Variants in DNTT observed in about 807,000 individuals in gnomAD.
DNTT encodes the protein DNA nucleotidylexotransferase, also known as nucleosidetriphosphate:DNA deoxynucleotidylexotransferase.
Under a neutral mutation model 60.9 loss-of-function variants are expected in DNTT, and 47 were observed. The ratio of observed to expected loss-of-function variants is 0.77; its 90% CI spans 0.61 to 0.98. The LOEUF (loss-of-function observed/expected upper bound fraction) is 0.98. Ranked by LOEUF, DNTT falls within the 50% of genes least tolerant of loss-of-function variation. DNTT has a pLI of 0.00. For missense variants in DNTT, 665 were observed against 627.5 expected, an observed-to-expected ratio of 1.06 and a Z score of -0.64; for synonymous variants, 224 against 221.2, an observed-to-expected ratio of 1.01 and a Z score of -0.11.
intron 6 of DNTT, among the ~76,000 whole-genome samples, chr10:96,324,917 G>A (rs1844922501): frequency 1.3e-5 from 2 of 152,266 alleles, no homozygotes; most frequent in South Asian, 4.1e-4. Flanking sequence ...AAAACACCAG[G>A]AAAATAGAAG....
At chr10:96,313,379 T>C (rs1385556118) in intron 1 of DNTT, among the ~76,000 whole-genome samples, 1 of 152,154 alleles carries the variant, frequency 6.6e-6, no homozygotes, top group Non-Finnish European at 1.5e-5. Context: ...ATGACATTCA[T>C]GTATATTTTC....
chr10:96,312,155 A>G (rs1844727546), intron 1 of DNTT, among the ~76,000 whole-genome samples: 1 of 152,218 alleles, frequency 6.6e-6, no homozygotes, highest in Non-Finnish European at 1.5e-5. Context: ...TGGAAAACAC[A>G]GCTGTCATTG....
At chr10:96,324,126 T>C in intron 5 of DNTT, 140 bp from the exon 6 acceptor site, 1 of 1,153,944 alleles carries the variant, frequency 8.7e-7, no homozygotes, top group Non-Finnish European at 1.2e-6. Context: ...ATCACCCACC[T>C]GCTCGTTATA....
chr10:96,327,648 G>C (rs772136755), intron 7 of DNTT, 48 bp downstream of exon 7: 7 of 1,577,420 alleles, frequency 4.4e-6, no homozygotes, highest in Non-Finnish European at 6.0e-6. Flanking sequence ...TACTTCAGTG[G>C]CTCCCTGACT....
At chr10:96,325,922 C>T (rs963735325) in intron 6 of DNTT, among the ~76,000 whole-genome samples, 8 of 152,196 alleles carry the variant, frequency 5.3e-5, no homozygotes, top group Non-Finnish European at 1.0e-4. Flanking sequence ...GTGCACATGC[C>T]ACGTTTGCCT....
At chr10:96,314,295 G>A (rs755062261) in intron 1 of DNTT, among the ~76,000 whole-genome samples, 2 of 151,390 alleles carry the variant, frequency 1.3e-5, no homozygotes, top group African/African-American at 2.4e-5. Flanking sequence ...GTCATGGATG[G>A]CCAAGCACAT....
In DNTT at chr10:96,326,450, A is replaced by G. The variant is rs532687674; in HGVS notation, c.875-1018A>G. On this transcript the variant is annotated intron_variant, in intron 6 of 10. Coordinates refer to ENST00000371174, the MANE Select transcript of DNTT (RefSeq NM_004088.4). ...ACCATTTTCTCTTGGTCTTGCCAGC[A>G]TGTTTCCGTGACTGTCCCCATTAGA... is the stretch of plus-strand genomic sequence containing the variant. 1.7e-4 allele frequency among the ~76,000 whole-genome samples: 26 copies of G among 152,296 alleles called. 1 individual carries two copies. The highest frequency in any genetic ancestry group is 6.3e-4 in the African/African-American group (26 of 41,564).
intron 4 of DNTT, 141 bp downstream of exon 4, chr10:96,320,929 C>G (rs1424192195): frequency 4.6e-6 from 4 of 870,300 alleles, no homozygotes; most frequent in Non-Finnish European, 6.7e-6. Context: ...ATTCCTCTCT[C>G]TCTCCTCTGT....
At chr10:96,336,282 A>G (rs1845068187) in intron 10 of DNTT, among the ~76,000 whole-genome samples, 1 of 152,190 alleles carries the variant, frequency 6.6e-6, no homozygotes, top group African/African-American at 2.4e-5. Flanking sequence ...AGTAACTCCA[A>G]AGTAAACCAG....
rs779136442 is a variant in DNTT at position 96,304,639 on chromosome 10, C to A, written c.142C>A (p.Arg48Ser). The A allele has an allele frequency of 2.8e-5, 45 of 1,614,002 alleles. No homozygotes were observed. The highest frequency in any genetic ancestry group is 3.6e-5 in the Non-Finnish European group (42 of 1,180,010). Residue 48 changes from arginine to serine, a missense_variant, in exon 1 of 11, where the codon CGC (arginine) becomes AGC (serine). Arg to Ser is a moderately radical substitution (Grantham distance 110). Transcript: ENST00000371174. ...TTTGGAGAAGAAAATGGGAACCACC[C>A]GCAGAGCGTTCCTCATGGAGCTGGC... is the stretch of plus-strand genomic sequence containing the variant. ...FILEKKMGTT[R>S]RAFLMELARR...
chr10:96,328,231 C>T (rs1844961861), intron 7 of DNTT, among the ~76,000 whole-genome samples: 1 of 152,212 alleles, frequency 6.6e-6, no homozygotes, highest in Admixed American at 6.5e-5. Flanking sequence ...CCTCCCACAG[C>T]CTCCTCTACC....
At position 96,307,355 on chromosome 10, in the gene DNTT, T is replaced by G. The variant is rs1365716081; in HGVS notation, c.203+2655T>G. 3.4e-4 allele frequency among the ~76,000 whole-genome samples: 43 copies of G among 126,484 alleles called. No individual in the cohort carries two copies. In the East Asian group the frequency reaches 7.0e-3, roughly 21 times the overall value. The allele number at this position is 126,484 out of a possible 152,430, so 83.0% of individuals were successfully genotyped here. A position where few individuals can be genotyped will look rare whatever the true frequency, so the allele number is the denominator to read the frequency against. ...TCTGGGTTTTCCAGTTTTTTTTTTT[T>G]TTTTTTTTTTTTTTTTTTTGAGACG... On this transcript the variant is annotated intron_variant, in intron 1 of 10. Transcript: ENST00000371174.
intron 1 of DNTT, among the ~76,000 whole-genome samples, chr10:96,317,419 G>A (rs558094351): frequency 3.3e-5 from 5 of 152,222 alleles, no homozygotes; most frequent in East Asian, 3.9e-4. Context: ...TCCATGCTTC[G>A]AAAACATGTA....
At chr10:96,312,646 A>G (rs1213781085) in intron 1 of DNTT, among the ~76,000 whole-genome samples, 2 of 152,220 alleles carry the variant, frequency 1.3e-5, no homozygotes, top group Non-Finnish European at 2.9e-5. Flanking sequence ...ATAATAAAAT[A>G]GTTGCCTTTT....
rs114472569 is a variant in DNTT at position 96,321,379 on chromosome 10, G to A, written c.678+591G>A. ...ATTCTTCCCTTAGGGTGAGCCACCC[G>A]CATGCACAGTGCCCTCCTTGTGCTT... is the stretch of plus-strand genomic sequence containing the variant. On this transcript the variant is annotated intron_variant, in intron 4 of 10. Transcript: ENST00000371174. 7.4e-3 allele frequency among the ~76,000 whole-genome samples: 1,132 copies of A among 152,176 alleles called. 9 individuals are homozygous for A. Among genetic ancestry groups the A allele is most frequent in the African/African-American group, 0.022 (900 of 41,510 alleles).
chr10:96,304,546 C>T lies in DNTT; in HGVS notation c.49C>T (p.Arg17Trp), dbSNP rs183314099. Residue 17 changes from arginine (R) to tryptophan (W), a missense_variant, in exon 1 of 11, where the codon CGG (arginine) becomes TGG (tryptophan). Coordinates refer to ENST00000371174, the MANE Select transcript of DNTT (RefSeq NM_004088.4). ...CTTGAGCCCTCGGAAGAAGAGACCC[C>T]GGCAGACGGGTGCCTTGATGGCCTC... ...SHLSPRKKRP[R>W]QTGALMASSP... The T allele has an allele frequency of 3.5e-4, 566 of 1,614,090 alleles. No homozygotes were observed. The highest frequency in any genetic ancestry group is 4.5e-4 in the Non-Finnish European group (530 of 1,180,006).
At chr10:96,307,382 A>G (rs1365121955) in intron 1 of DNTT, among the ~76,000 whole-genome samples, 1 of 109,500 alleles carries the variant, frequency 9.1e-6, no homozygotes, top group Admixed American at 1.4e-4. Flanking sequence ...TTTGAGACGG[A>G]GTCTCGCTCT....
chr10:96,304,734 C>T (rs779903516), intron 1 of DNTT, 34 bp downstream of exon 1: 1 of 1,600,848 alleles, frequency 6.2e-7, no homozygotes, highest in Non-Finnish European at 8.5e-7. Context: ...TGTAAATAAG[C>T]AGAGGCTTTG....
chr10:96,320,923 C>T, intron 4 of DNTT, 135 bp downstream of exon 4: 1 of 963,494 alleles, frequency 1.0e-6, no homozygotes, highest in Non-Finnish European at 1.5e-6. Context: ...ATACATATTC[C>T]TCTCTCTCTC....
Sources: allele counts gnomAD v4.1 joint callset (sites outside exome capture counted in the v4.1 genomes callset), GRCh38; gene constraint gnomAD v4.1.1; transcripts MANE v1.5; gene names NCBI Gene and HGNC (gene_info 2026-07-23, HGNC 2026-07-21).